Variants in BRAF observed in about 807,000 individuals in gnomAD.
The protein encoded by BRAF is B-Raf proto-oncogene, serine/threonine kinase.
Under a neutral mutation model 104.6 loss-of-function variants are expected in BRAF, and 16 were observed. The ratio of observed to expected loss-of-function variants is 0.15; its 90% CI spans 0.10 to 0.23. The LOEUF (loss-of-function observed/expected upper bound fraction) is 0.23, where lower values mean the gene tolerates loss of function less well. Ranked by LOEUF, BRAF falls within the 10% of genes least tolerant of loss-of-function variation. BRAF has a pLI of 1.00. For synonymous variants in BRAF, 310 were observed against 341.6 expected, an observed-to-expected ratio of 0.91 and a Z score of 1.02; for missense variants, 541 against 937.3, an observed-to-expected ratio of 0.58 and a Z score of 5.52.
intron 3 of BRAF, among the ~76,000 whole-genome samples, chr7:140,817,674 C>T (rs1562974913): frequency 6.6e-6 from 1 of 152,070 alleles, no homozygotes; most frequent in African/African-American, 2.4e-5. Flanking sequence ...GACAAAGGTG[C>T]CAAGAACATA....
chr7:140,721,845 C>A lies in BRAF; in HGVS notation c.*4649G>T. ...GCCTTGAGACCTCCACCCTGGCCCC[C>A]ACAGCGCTTTGGGACAGGATGACTA... On this transcript the variant is annotated 3_prime_UTR_variant, in exon 20 of 20. Coordinates refer to ENST00000644969, the MANE Select transcript of BRAF (RefSeq NM_001374258.1). The A allele has an allele frequency of 7.5e-7, 1 of 1,334,966 alleles. No homozygotes were observed. The highest frequency in any genetic ancestry group is 9.6e-7 in the Non-Finnish European group (1 of 1,045,684). 82.7% of individuals were successfully genotyped at this position (1,334,966 alleles called of 1,614,324 possible).
intron 1 of BRAF, among the ~76,000 whole-genome samples, chr7:140,851,582 T>A (rs1562995190): frequency 6.6e-6 from 1 of 152,214 alleles, no homozygotes; most frequent in African/African-American, 2.4e-5. Flanking sequence ...CAAGTTTTAT[T>A]TTTTGGTATC....
chr7:140,899,003 A>G (rs1227916466), intron 1 of BRAF, among the ~76,000 whole-genome samples: 1 of 152,194 alleles, frequency 6.6e-6, no homozygotes, highest in African/African-American at 2.4e-5. Context: ...TTTTTGTTCC[A>G]TAAGTAAACA....
At chr7:140,820,461 ACTACT>A (rs756162198) in intron 3 of BRAF, among the ~76,000 whole-genome samples, 1 of 152,212 alleles carries the variant, frequency 6.6e-6, no homozygotes, top group Non-Finnish European at 1.5e-5. Flanking sequence ...ATGAGATACA[ACTACT>A]CTAAACAATA....
At chr7:140,829,205 G>A (rs1240807511) in intron 3 of BRAF, among the ~76,000 whole-genome samples, 3 of 148,458 alleles carry the variant, frequency 2.0e-5, no homozygotes, top group Non-Finnish European at 4.5e-5. Flanking sequence ...TTTGTGGGGG[G>A]GGGCATACAT....
chr7:140,917,927 TA>T, intron 1 of BRAF, among the ~76,000 whole-genome samples: 1 of 152,348 alleles, frequency 6.6e-6, no homozygotes, highest in Middle Eastern at 3.4e-3. Context: ...TATTGTCTAT[TA>T]GCTACTTCTG....
At chr7:140,832,661 T>C (rs1044323432) in intron 3 of BRAF, among the ~76,000 whole-genome samples, 1 of 152,212 alleles carries the variant, frequency 6.6e-6, no homozygotes, top group Non-Finnish European at 1.5e-5. Context: ...ACTGGGAGTA[T>C]GACGGACAAG....
In BRAF at chr7:140,723,939, T is replaced by G. The variant is rs1795452212; in HGVS notation, c.*2555A>C. 3.2e-5 allele frequency: 33 copies of G among 1,041,724 alleles called. No individual in the cohort carries two copies. In the South Asian group the frequency reaches 1.3e-3, roughly 42 times the overall value. The allele number at this position is 1,041,724 out of a possible 1,614,324, so 64.5% of individuals were successfully genotyped here. On this transcript the variant is annotated 3_prime_UTR_variant, in exon 20 of 20. Coordinates refer to ENST00000644969, the MANE Select transcript of BRAF (RefSeq NM_001374258.1). ...AAAACACAAATAAAACCTATTTTCA[T>G]GTCATTTGTAAACTAGAGAAAAAAC...
intron 1 of BRAF, among the ~76,000 whole-genome samples, chr7:140,915,479 G>A (rs1817519843): frequency 6.7e-6 from 1 of 149,400 alleles, no homozygotes; most frequent in Admixed American, 6.7e-5. Context: ...TTGTTGCCCA[G>A]GCTGGAGTGC....
intron 3 of BRAF, among the ~76,000 whole-genome samples, chr7:140,810,113 G>C (rs955036883): frequency 6.6e-6 from 1 of 151,968 alleles, no homozygotes; most frequent in Non-Finnish European, 1.5e-5. Context: ...AGTTTCCAAA[G>C]AAATTGGGAA....
chr7:140,738,945 A>G (rs888327144), intron 18 of BRAF, among the ~76,000 whole-genome samples: 7 of 150,192 alleles, frequency 4.7e-5, no homozygotes, highest in African/African-American at 1.8e-4. Flanking sequence ...TGTTAACTTA[A>G]GGCTTTATCC....
chr7:140,851,946 A>T (rs1401379649), intron 1 of BRAF, among the ~76,000 whole-genome samples: 1 of 152,166 alleles, frequency 6.6e-6, no homozygotes, highest in Admixed American at 6.6e-5. Context: ...TCTGGATATT[A>T]ATCTTTATTC....
chr7:140,902,399 CCT>C (rs1815753118), intron 1 of BRAF, among the ~76,000 whole-genome samples: 1 of 152,134 alleles, frequency 6.6e-6, no homozygotes, highest in Admixed American at 6.5e-5. Flanking sequence ...CCTCCTATTC[CCT>C]GAGATTTCAA....
rs554207259 is a variant in BRAF, at chr7:140,851,979, C to T, written c.139-1767G>A. ...TTCTTCTACAAATGTTAAGGTCTTT[C>T]AATTGTTTTTCATGACTCTTGTCAT... On this transcript the variant is annotated intron_variant, in intron 1 of 19. Transcript: ENST00000644969. Among the ~76,000 whole-genome samples the T allele has an allele frequency of 4.6e-5, 7 of 152,206 alleles. No individual in the cohort carries two copies. In the South Asian group the frequency reaches 6.2e-4, roughly 14 times the overall value.
At chr7:140,821,322 C>CA (rs1805459689) in intron 3 of BRAF, among the ~76,000 whole-genome samples, 1 of 119,154 alleles carries the variant, frequency 8.4e-6, no homozygotes, top group African/African-American at 3.2e-5. Flanking sequence ...TTTTTTGAGA[C>CA]AGAGTCTCGC....
chr7:140,739,689 T>C (rs1164011330), intron 18 of BRAF, 123 bp downstream of exon 17: 3 of 1,160,616 alleles, frequency 2.6e-6, no homozygotes, highest in Admixed American at 1.8e-5. Flanking sequence ...TGTGTTTTCT[T>C]GTCTGGAGTC....
At chr7:140,809,916 T>C (rs4140846) in intron 3 of BRAF, among the ~76,000 whole-genome samples, 45,460 of 151,706 alleles carry the variant, frequency 0.3, 10,801 homozygotes, top group African/African-American at 0.67. Context: ...TTATCTATCT[T>C]TAGCCTTTTC....
chr7:140,812,041 T>C (rs1804326269), intron 3 of BRAF, among the ~76,000 whole-genome samples: 1 of 152,224 alleles, frequency 6.6e-6, no homozygotes, highest in South Asian at 2.1e-4. Context: ...TATCCTATCC[T>C]ATGTTACCAT....
rs1554430994 is a variant in BRAF, at chr7:140,924,563, C to T, written c.138+3G>A. 2 of 1,532,650 alleles carry T rather than the reference C, an allele frequency of 1.3e-6. No homozygotes were observed. The highest frequency in any genetic ancestry group is 1.7e-6 in the Non-Finnish European group (2 of 1,145,738). 94.9% of individuals were successfully genotyped at this position (1,532,650 alleles called of 1,614,324 possible). ...AGGGCGGCAGGGTGGCGCCAGCACT[C>T]ACCTCCTCCGGAATGGCAGGGTCCG... is the stretch of plus-strand genomic sequence containing the variant. On this transcript the variant is annotated splice_donor_region_variant and intron_variant, in intron 1 of 19. Transcript: ENST00000644969. The surrounding 1 kb of genome is among the most constrained non-coding windows in gnomAD (Gnocchi z 4.2).
Sources: gnomAD v4.1 joint callset for allele counts (sites outside exome capture counted in the v4.1 genomes callset) on GRCh38, gnomAD v4.1.1 for gene constraint, Gnocchi (gnomAD v3.1) non-coding constraint, MANE v1.5 for transcripts, NCBI Gene and HGNC (gene_info 2026-07-23, HGNC 2026-07-21) for gene names.